The following SEMA4F variants were observed in gnomAD, a reference collection of about 807,000 sequenced individuals.
SEMA4F encodes ssemaphorin 4F.
SEMA4F carries 51 observed loss-of-function variants against 78.4 expected under a neutral mutation model. The observed-to-expected ratio is 0.65, with a 90% CI of 0.52 to 0.82. SEMA4F has a LOEUF of 0.82. Among genes scored for constraint, SEMA4F ranks in the 40% least tolerant of loss-of-function variants. The probability of loss-of-function intolerance (pLI) is 0.00; values close to 1 mark genes in which losing one functional copy is unlikely to be tolerated. For synonymous variants in SEMA4F, 418 were observed against 408.7 expected (o/e 1.02, Z -0.27); for missense variants, 938 against 1,014.4 (o/e 0.92, Z 1.02).
Position 74,681,774 on chromosome 2 carries a change from G to C in SEMA4F, c.*1565G>C, listed in dbSNP as rs1434788744. 6.5e-6 allele frequency: 1 copy of C among 152,672 alleles called. No homozygotes were observed. The highest frequency in any genetic ancestry group is 1.5e-5 in the Non-Finnish European group (1 of 68,086). 9.5% of individuals were successfully genotyped at this position (152,672 alleles called of 1,614,324 possible). ...CTGTGAATGTGCCTCGTTCATCCCT[G>C]GTGCTTGAGCCCCTCAAGCTCCAGT... On this transcript the variant is annotated 3_prime_UTR_variant, in exon 14 of 14. Transcript: ENST00000357877.
downstream of SEMA4F, among the ~76,000 whole-genome samples, chr2:74,687,029 C>T (rs1685838098): frequency 6.6e-6 from 1 of 152,116 alleles, no homozygotes; most frequent in African/African-American, 2.4e-5. Flanking sequence ...AATGTTGTTC[C>T]TTCCAAATGA....
intron 5 of SEMA4F, among the ~76,000 whole-genome samples, chr2:74,667,428 C>T (rs1052991827): frequency 1.3e-5 from 2 of 152,180 alleles, no homozygotes; most frequent in Non-Finnish European, 2.9e-5. Flanking sequence ...GGCTAAAGGG[C>T]CTGTCCCATT....
rs889145765 is a variant in SEMA4F at position 74,654,371 on chromosome 2, C to A, written c.-6C>A. 3 of 1,495,078 alleles carry A rather than the reference C, an allele frequency of 2.0e-6. No individual in the cohort carries two copies. Among genetic ancestry groups the A allele is most frequent in the Non-Finnish European group, 1.8e-6 (2 of 1,129,966 alleles). The allele number at this position is 1,495,078 out of a possible 1,614,324, so 92.6% of individuals were successfully genotyped here. On this transcript the variant is annotated 5_prime_UTR_variant, in exon 1 of 14. Transcript: ENST00000357877. Reference sequence around the variant, plus strand: ...GCGCCGCACCCGCGGCCAGGCGGAGCCAAAGATGCCGGCCTCTGCTGCGCG... The same window carrying A: ...GCGCCGCACCCGCGGCCAGGCGGAGACAAAGATGCCGGCCTCTGCTGCGCG...
the SEMA4F span, among the ~76,000 whole-genome samples, chr2:74,692,538 G>A: frequency 6.6e-6 from 1 of 152,218 alleles, no homozygotes; most frequent in Admixed American, 6.5e-5. Flanking sequence ...CACTGGGGAG[G>A]CAAAGGCTTC....
At chr2:74,698,827 T>C in the SEMA4F span, among the ~76,000 whole-genome samples, 2 of 152,182 alleles carry the variant, frequency 1.3e-5, no homozygotes, top group African/African-American at 4.8e-5. Flanking sequence ...TTATTTCCAC[T>C]TCAGAGGGTC....
At chr2:74,700,512 T>C in the SEMA4F span, among the ~76,000 whole-genome samples, 6 of 152,162 alleles carry the variant, frequency 3.9e-5, no homozygotes, top group African/African-American at 1.4e-4. Context: ...GCAGGCTAGA[T>C]TGCTGATTAA....
intron 5 of SEMA4F, among the ~76,000 whole-genome samples, chr2:74,670,625 C>T (rs1181491016): frequency 6.6e-6 from 1 of 152,230 alleles, no homozygotes; most frequent in Non-Finnish European, 1.5e-5. Context: ...AGTCACGCTC[C>T]CAGCGTCTGC....
At chr2:74,692,103 A>T in the SEMA4F span, among the ~76,000 whole-genome samples, 1 of 152,156 alleles carries the variant, frequency 6.6e-6, no homozygotes, top group Non-Finnish European at 1.5e-5. Flanking sequence ...CTGCTGGATT[A>T]TGACTCAAGT....
At chr2:74,678,313 T>C (rs901253759) in intron 12 of SEMA4F, among the ~76,000 whole-genome samples, 1 of 152,172 alleles carries the variant, frequency 6.6e-6, no homozygotes, top group African/African-American at 2.4e-5. Context: ...CTTGTGTACA[T>C]TGCCCATACC....
Position 74,658,007 on chromosome 2 carries a change from T to TG in SEMA4F, c.456+60dup, listed in dbSNP as rs1684244246. The TG allele has an allele frequency of 1.3e-6, 2 of 1,509,594 alleles. No homozygotes were observed. The highest frequency in any genetic ancestry group is 1.8e-6 in the Non-Finnish European group (2 of 1,086,372). 93.5% of individuals were successfully genotyped at this position (1,509,594 alleles called of 1,614,324 possible). A position where few individuals can be genotyped will look rare whatever the true frequency, so the allele number is the denominator to read the frequency against. ...GGTGCCTGCACCAGTGTGAGTTACT[T>TG]GGGGTGGTGGTGGGAGGATGGGAAG... On this transcript the variant is annotated intron_variant, in intron 4 of 13. Coordinates refer to ENST00000357877, the MANE Select transcript of SEMA4F (RefSeq NM_004263.5). This position sits in a 1 kb window ranked among gnomAD's most constrained non-coding sequence, Gnocchi z 4.3.
At chr2:74,697,202 A>T in the SEMA4F span, among the ~76,000 whole-genome samples, 1 of 152,192 alleles carries the variant, frequency 6.6e-6, no homozygotes, top group Non-Finnish European at 1.5e-5. Flanking sequence ...CTAAGATTAA[A>T]TTCTTTCATC....
At chr2:74,669,352 G>A (rs1684857499) in intron 5 of SEMA4F, among the ~76,000 whole-genome samples, 3 of 151,966 alleles carry the variant, frequency 2.0e-5, no homozygotes, top group Admixed American at 6.6e-5. Flanking sequence ...TTGGTAGGCC[G>A]AGGTGGGCAG....
chr2:74,654,898 C>T (rs1243777151), intron 1 of SEMA4F, among the ~76,000 whole-genome samples: 1 of 152,224 alleles, frequency 6.6e-6, no homozygotes, highest in African/African-American at 2.4e-5. Context: ...TTCCGTCTCC[C>T]TTAGTCCCCT....
rs950944918 is a variant in SEMA4F at position 74,656,482 on chromosome 2, A to G, written c.146-52A>G. 8 of 1,586,268 alleles carry G rather than the reference A, an allele frequency of 5.0e-6. No homozygotes were observed. The African/African-American group carries it at 1.1e-4, about 21-fold the overall frequency. Reference sequence around the variant, plus strand: ...GGCCCCTTTGGTTTTGCTCTTGTGGACTTGACCCTTAGGAAGCGATGGCTA... The same window carrying G: ...GGCCCCTTTGGTTTTGCTCTTGTGGGCTTGACCCTTAGGAAGCGATGGCTA... On this transcript the variant is annotated intron_variant, in intron 1 of 13. Transcript: ENST00000357877.
chr2:74,665,983 C>T (rs1200154609), intron 5 of SEMA4F, among the ~76,000 whole-genome samples: 1 of 151,956 alleles, frequency 6.6e-6, no homozygotes, highest in East Asian at 1.9e-4. Flanking sequence ...TCTCGGCTCA[C>T]TGCAACCTTC....
At chr2:74,673,884 C>T in intron 7 of SEMA4F, 56 bp downstream of exon 7, 1 of 1,556,114 alleles carries the variant, frequency 6.4e-7, no homozygotes, top group Non-Finnish European at 8.7e-7. Flanking sequence ...TGTCCCCCGT[C>T]TTATCTTTTC....
chr2:74,681,643 A>G lies in SEMA4F; in HGVS notation c.*1434A>G, dbSNP rs746545779. 2 of 152,922 alleles carry G rather than the reference A, an allele frequency of 1.3e-5. No homozygotes were observed. Among genetic ancestry groups the G allele is most frequent in the African/African-American group, 2.4e-5 (1 of 41,408 alleles). The allele number at this position is 152,922 out of a possible 1,614,324, so 9.5% of individuals were successfully genotyped here. A position where few individuals can be genotyped will look rare whatever the true frequency, so the allele number is the denominator to read the frequency against. ...CTCCAGTCCCTGGAAGCTGAGCTCT[A>G]TGTGTATTTGATGACATTGTCAGCT... On this transcript the variant is annotated 3_prime_UTR_variant, in exon 14 of 14. Coordinates refer to ENST00000357877, the MANE Select transcript of SEMA4F (RefSeq NM_004263.5).
At chr2:74,686,195 G>A (rs1685819337), downstream of SEMA4F, among the ~76,000 whole-genome samples, 1 of 152,032 alleles carries the variant, frequency 6.6e-6, no homozygotes, top group Admixed American at 6.6e-5. Flanking sequence ...TGCCTTCCGG[G>A]TTCACACCAT....
Position 74,675,607 on chromosome 2 carries a change from G to A in SEMA4F, c.1455G>A (p.Gln485=). The A allele has an allele frequency of 1.2e-6, 2 of 1,614,198 alleles. No individual in the cohort carries two copies. Among genetic ancestry groups the A allele is most frequent in the South Asian group, 1.1e-5 (1 of 91,084 alleles). Residue 485 remains glutamine (Q), a synonymous_variant, in exon 11 of 14, where the codon CAG becomes CAA. Transcript: ENST00000357877. ...LEDLALFPEP[Q]PVENMKLYHS... is the part of the protein sequence containing the mutation. ...ATCTGGCCTTATTCCCAGAGCCACAGCCAGTTGAGAACATGAAATTGTACC... is the reference window on the plus strand; with the variant it reads ...ATCTGGCCTTATTCCCAGAGCCACAACCAGTTGAGAACATGAAATTGTACC...
Sources: gnomAD v4.1 joint callset for allele counts (sites outside exome capture counted in the v4.1 genomes callset) on GRCh38, gnomAD v4.1.1 for gene constraint, Gnocchi (gnomAD v3.1) non-coding constraint, MANE v1.5 for transcripts, NCBI Gene and HGNC (gene_info 2026-07-23, HGNC 2026-07-21) for gene names.